The following GAK variants were observed in gnomAD, a reference collection of about 807,000 sequenced individuals.
GAK encodes the protein cyclin-G-associated kinase.
GAK carries 79 observed loss-of-function variants against 143.9 expected under a neutral mutation model. The ratio of observed to expected loss-of-function variants is 0.55; its 90% CI spans 0.46 to 0.66. The LOEUF (loss-of-function observed/expected upper bound fraction) is 0.66, where lower values mean the gene tolerates loss of function less well. GAK is among the 30% of genes least tolerant of loss of function. The pLI is 0.00. For synonymous variants in GAK, 881 were observed against 765.5 expected, an observed-to-expected ratio of 1.15 and a Z score of -2.49; for missense variants, 1,693 against 1,779.7, an observed-to-expected ratio of 0.95 and a Z score of 0.88.
intron 15 of GAK, among the ~76,000 whole-genome samples, chr4:881,105 C>T (rs1715009403): frequency 6.6e-6 from 1 of 152,224 alleles, no homozygotes; most frequent in African/African-American, 2.4e-5. Flanking sequence ...GAATGGCCTC[C>T]TGACCCTCGC....
intron 4 of GAK, among the ~76,000 whole-genome samples, chr4:908,006 G>A (rs1005751316): frequency 6.6e-6 from 1 of 152,194 alleles, no homozygotes; most frequent in African/African-American, 2.4e-5. Context: ...CCGCTCCCTC[G>A]TGCACATATC....
At chr4:925,890 C>T (rs936064727) in intron 1 of GAK, among the ~76,000 whole-genome samples, 15 of 152,158 alleles carry the variant, frequency 9.9e-5, no homozygotes, top group African/African-American at 2.4e-4. Flanking sequence ...GACTGGGACA[C>T]GGGGATGCGC....
In GAK at chr4:851,638, G is replaced by A. The variant is rs1051116787; in HGVS notation, c.3508+112C>T. 56 of 1,145,556 alleles carry A rather than the reference G, an allele frequency of 4.9e-5. 1 individual carries two copies. Among genetic ancestry groups the A allele is most frequent in the South Asian group, 4.5e-4 (35 of 77,446 alleles). 71.0% of individuals were successfully genotyped at this position (1,145,556 alleles called of 1,614,324 possible). ...GCGTCGTTCTCTGAGTGGCTTGGCC[G>A]TGCCTGTCCCAGGACTGGGCTCTGA... On this transcript the variant is annotated intron_variant, in intron 25 of 27. Coordinates refer to ENST00000314167, the MANE Select transcript of GAK (RefSeq NM_005255.4).
At chr4:907,418 A>G (rs1310455273) in intron 4 of GAK, among the ~76,000 whole-genome samples, 1 of 152,228 alleles carries the variant, frequency 6.6e-6, no homozygotes, top group East Asian at 1.9e-4. Context: ...GGGTGCTCAG[A>G]AAGAGAGGAA....
chr4:860,526 C>T (rs368333000), intron 23 of GAK, among the ~76,000 whole-genome samples: 2 of 152,150 alleles, frequency 1.3e-5, no homozygotes, highest in East Asian at 3.8e-4. Flanking sequence ...GTAACCAAAA[C>T]CACTCAAACT....
At chr4:896,335 C>A in intron 7 of GAK, 125 bp downstream of exon 7, 1 of 707,154 alleles carries the variant, frequency 1.4e-6, no homozygotes. Flanking sequence ...GAAAAGGGGA[C>A]GGGAGGGGAA....
intron 10 of GAK, among the ~76,000 whole-genome samples, chr4:889,346 C>T (rs987839974): frequency 1.3e-5 from 2 of 152,234 alleles, no homozygotes; most frequent in South Asian, 4.1e-4. Flanking sequence ...CAGCTTCAGG[C>T]CACCATGACC....
chr4:896,794 C>T (rs1386445022), intron 6 of GAK, among the ~76,000 whole-genome samples: 1 of 152,260 alleles, frequency 6.6e-6, no homozygotes, highest in East Asian at 1.9e-4. Context: ...CTCCTACGGC[C>T]TCCCGTGCTT....
chr4:876,182 C>T (rs77124090), intron 18 of GAK, among the ~76,000 whole-genome samples: 6,382 of 152,288 alleles, frequency 0.042, 154 homozygotes, highest in East Asian at 0.093. Flanking sequence ...GACTGCCCCG[C>T]ATCATCTCCA....
Position 882,834 on chromosome 4 carries a change from C to T in GAK, c.1405-15G>A. 6.2e-7 allele frequency: 1 copy of T among 1,605,006 alleles called. No individual in the cohort carries two copies. Among genetic ancestry groups the T allele is most frequent in the Non-Finnish European group, 8.5e-7 (1 of 1,178,424 alleles). On this transcript the variant is annotated splice_polypyrimidine_tract_variant and intron_variant, in intron 13 of 27. Coordinates refer to ENST00000314167, the MANE Select transcript of GAK (RefSeq NM_005255.4). ...CACTCGGAGACCTGTGGGGACAGGG[C>T]ACGGTGGCACGGACGGCAGAGGAGC...
At chr4:857,697 C>T (rs781760294) in intron 24 of GAK, among the ~76,000 whole-genome samples, 5 of 152,296 alleles carry the variant, frequency 3.3e-5, no homozygotes, top group East Asian at 1.9e-4. Flanking sequence ...CCAGCAGCCC[C>T]GGGAGAGGTC....
chr4:858,913 C>T (rs752795732), intron 24 of GAK, among the ~76,000 whole-genome samples: 18 of 152,192 alleles, frequency 1.2e-4, no homozygotes, highest in African/African-American at 1.4e-4. Flanking sequence ...CGGGGGTCAC[C>T]GGCACCAACA....
chr4:868,457 A>G, intron 20 of GAK, 82 bp downstream of exon 20: 1 of 1,489,186 alleles, frequency 6.7e-7, no homozygotes, highest in Admixed American at 1.9e-5. Flanking sequence ...CCCGTCTCCC[A>G]AGACGCTTGC....
intron 1 of GAK, among the ~76,000 whole-genome samples, chr4:930,951 G>GGT (rs1577354006): frequency 6.6e-6 from 1 of 152,204 alleles, no homozygotes; most frequent in East Asian, 1.9e-4. Flanking sequence ...GAGGTACCAG[G>GGT]GAGCTGGTGA....
At chr4:884,729 G>A (rs1332407677) in intron 11 of GAK, among the ~76,000 whole-genome samples, 1 of 152,242 alleles carries the variant, frequency 6.6e-6, no homozygotes, top group Non-Finnish European at 1.5e-5. Flanking sequence ...AGCAGCAGCT[G>A]TGTAAGAATG....
chr4:893,744 T>C, intron 8 of GAK, 130 bp downstream of exon 8: 1 of 1,162,434 alleles, frequency 8.6e-7, no homozygotes, highest in South Asian at 1.7e-5. Context: ...CCAGGGATGT[T>C]GTCAAAACTA....
chr4:912,287 G>C, intron 3 of GAK: 1 of 403,472 alleles, frequency 2.5e-6, no homozygotes, highest in Non-Finnish European at 5.1e-6. Flanking sequence ...CTCTGTCAGC[G>C]CCGGGAGATG....
intron 23 of GAK, among the ~76,000 whole-genome samples, chr4:862,484 C>A (rs1185661972): frequency 2.6e-5 from 4 of 152,240 alleles, no homozygotes; most frequent in Admixed American, 2.0e-4. Context: ...CACAGTGAAA[C>A]CCCGTCTCTA....
chr4:914,470 G>A (rs1377617871), intron 1 of GAK, among the ~76,000 whole-genome samples: 10 of 64,054 alleles, frequency 1.6e-4, no homozygotes, highest in Middle Eastern at 0.015. Flanking sequence ...CAGTGTGCAC[G>A]GCCCCACACA....
Sources: allele counts gnomAD v4.1 joint callset (sites outside exome capture counted in the v4.1 genomes callset), GRCh38; gene constraint gnomAD v4.1.1; transcripts MANE v1.5; gene names NCBI Gene and HGNC (gene_info 2026-07-23, HGNC 2026-07-21).